Variants in ARHGEF7 observed in about 807,000 individuals in gnomAD.
ARHGEF7 encodes the protein PAK-interacting exchange factor beta.
A neutral mutation model predicts 109.8 loss-of-function variants in ARHGEF7; 33 were observed. The ratio of observed to expected loss-of-function variants is 0.30; its 90% CI spans 0.23 to 0.40. The LOEUF (loss-of-function observed/expected upper bound fraction) is 0.40. Among genes scored for constraint, ARHGEF7 ranks in the 10% least tolerant of loss-of-function variants. ARHGEF7 has a pLI of 1.00. For missense variants in ARHGEF7, 938 were observed against 1,098.5 expected, an observed-to-expected ratio of 0.85 and a Z score of 2.07; for synonymous variants, 458 against 424.6, an observed-to-expected ratio of 1.08 and a Z score of -0.97.
chr13:111,148,811 G>T (rs572768598), intron 1 of ARHGEF7, among the ~76,000 whole-genome samples: 2 of 152,310 alleles, frequency 1.3e-5, no homozygotes, highest in South Asian at 4.1e-4. Flanking sequence ...AGCTTTCACA[G>T]AAATCAAAGG....
chr13:111,290,821 C>G (rs1331592555), intron 18 of ARHGEF7, among the ~76,000 whole-genome samples: 1 of 152,186 alleles, frequency 6.6e-6, no homozygotes, highest in African/African-American at 2.4e-5. Context: ...ACCTAACACT[C>G]AAAACTAGGG....
chr13:111,153,809 C>T (rs1048728997), intron 1 of ARHGEF7, 96 bp from the exon 2 acceptor site: 23 of 1,453,236 alleles, frequency 1.6e-5, no homozygotes, highest in Non-Finnish European at 2.0e-5. Flanking sequence ...GCGTCGCCCG[C>T]TGTGTTGGGA....
At chr13:111,114,628 GCAGCCAGGCGCC>G (rs1375830244), upstream of ARHGEF7, 7 of 152,548 alleles carry the variant, frequency 4.6e-5, no homozygotes, top group Admixed American at 1.3e-4. Context: ...TCCCCGAGAC[GCAGCCAGGCGCC>G]CGGCCCGGCC....
chr13:111,137,747 C>A (rs547624014), intron 1 of ARHGEF7, among the ~76,000 whole-genome samples: 4 of 152,018 alleles, frequency 2.6e-5, no homozygotes, highest in African/African-American at 9.7e-5. Flanking sequence ...ATTAAGAGGC[C>A]AAGCTCAGGA....
chr13:111,282,741 G>C (rs545479731), intron 15 of ARHGEF7: 39 of 230,076 alleles, frequency 1.7e-4, no homozygotes, highest in Admixed American at 1.4e-3. Context: ...GTGGCTGGGG[G>C]GGAATCACCT....
intron 19 of ARHGEF7, among the ~76,000 whole-genome samples, chr13:111,296,315 C>T (rs755435254): frequency 6.6e-6 from 1 of 152,200 alleles, no homozygotes; most frequent in Non-Finnish European, 1.5e-5. Context: ...TGTTAACACA[C>T]ATGTGTACCA....
At chr13:111,199,680 G>A (rs1299855431) in intron 2 of ARHGEF7, among the ~76,000 whole-genome samples, 1 of 152,246 alleles carries the variant, frequency 6.6e-6, no homozygotes, top group Non-Finnish European at 1.5e-5. Flanking sequence ...TGCTAAAATA[G>A]AATTCCTTTG....
intron 1 of ARHGEF7, 180 bp from the exon 2 acceptor site, chr13:111,153,725 A>G: frequency 7.5e-7 from 1 of 1,331,846 alleles, no homozygotes; most frequent in Non-Finnish European, 9.5e-7. Flanking sequence ...AAAAAGGGTG[A>G]GGAGAAGCAG....
At chr13:111,300,551 G>A (rs898116761) in intron 19 of ARHGEF7, among the ~76,000 whole-genome samples, 197 bp from the exon 20 acceptor site, 2 of 152,214 alleles carry the variant, frequency 1.3e-5, no homozygotes, top group African/African-American at 4.8e-5. Flanking sequence ...CTTTGGTCAT[G>A]AGGAGGCCTG....
intron 8 of ARHGEF7, among the ~76,000 whole-genome samples, chr13:111,265,324 T>C (rs1804126543): frequency 2.0e-5 from 3 of 152,190 alleles, no homozygotes; most frequent in Admixed American, 2.0e-4. Flanking sequence ...GAACAGTCTT[T>C]TTGAGCCTCG....
In ARHGEF7 at chr13:111,115,631, G is replaced by A. The variant is rs1237174774; in HGVS notation, c.105G>A (p.Leu35=). The change falls in exon 1 of 22, where the codon CTG becomes CTA. Residue 35 remains leucine, a synonymous_variant. Coordinates refer to ENST00000646102, the MANE Select transcript of ARHGEF7 (RefSeq NM_001354046.2). ...SDPEGFLQAS[L]KDGVVLCRLL... ...CGGAGGGCTTTCTGCAGGCGTCGCTGAAGGATGGGGTGGTCCTCTGCAGGC... is the reference window on the plus strand; with the variant it reads ...CGGAGGGCTTTCTGCAGGCGTCGCTAAAGGATGGGGTGGTCCTCTGCAGGC... 3.6e-6 allele frequency: 5 copies of A among 1,399,082 alleles called. No homozygotes were observed. The highest frequency in any genetic ancestry group is 4.7e-6 in the Non-Finnish European group (5 of 1,061,274). 86.7% of individuals were successfully genotyped at this position (1,399,082 alleles called of 1,614,324 possible).
chr13:111,153,771 G>T, intron 1 of ARHGEF7, 134 bp from the exon 2 acceptor site: 3 of 1,362,314 alleles, frequency 2.2e-6, no homozygotes, highest in Middle Eastern at 2.7e-4. Context: ...CAGCGGGCTC[G>T]CTCCAGGCCG....
rs930562673 is a variant in ARHGEF7 at position 111,239,089 on chromosome 13, AT to A, written c.760-4782del. ...CCATCAGATCTTGTGAGAACTCACCATGAGAACAGCATAGGGGAACGCGCTG... is the reference window on the plus strand; with the variant it reads ...CCATCAGATCTTGTGAGAACTCACCAGAGAACAGCATAGGGGAACGCGCTG... On this transcript the variant is annotated intron_variant, in intron 6 of 21. Coordinates refer to ENST00000646102, the MANE Select transcript of ARHGEF7 (RefSeq NM_001354046.2). The surrounding 1 kb of genome is among the most constrained non-coding windows in gnomAD (Gnocchi z 4.3). Among the ~76,000 whole-genome samples the A allele has an allele frequency of 2.6e-5, 4 of 152,130 alleles. No homozygotes were observed. The highest frequency in any genetic ancestry group is 9.7e-5 in the African/African-American group (4 of 41,412).
chr13:111,127,648 GAAAAAAAAAAAAA>G (rs71206956), intron 1 of ARHGEF7, among the ~76,000 whole-genome samples: 1 of 40,044 alleles, frequency 2.5e-5, no homozygotes, highest in Non-Finnish European at 5.0e-5. Flanking sequence ...CTCTGTTTCA[GAAAAAAAAAAAAA>G]AAAAAAAAAA....
intron 5 of ARHGEF7, among the ~76,000 whole-genome samples, chr13:111,221,599 A>T (rs1454608523): frequency 1.0e-4 from 9 of 89,984 alleles, no homozygotes; most frequent in African/African-American, 3.7e-4. Flanking sequence ...CTATATATAG[A>T]TATATATCTC....
intron 2 of ARHGEF7, among the ~76,000 whole-genome samples, chr13:111,156,321 G>C (rs925887536): frequency 6.6e-6 from 1 of 152,156 alleles, no homozygotes; most frequent in Non-Finnish European, 1.5e-5. Flanking sequence ...GTAAGTGATA[G>C]CAAGTGAGTT....
chr13:111,254,702 G>A (rs1469889871), intron 8 of ARHGEF7, among the ~76,000 whole-genome samples: 14 of 752 alleles, frequency 0.019, no homozygotes, highest in African/African-American at 0.12. Flanking sequence ...AAGAGGATTC[G>A]GGCTAAGGCG....
At chr13:111,250,712 C>T (rs1027422200) in intron 8 of ARHGEF7, among the ~76,000 whole-genome samples, 4 of 152,040 alleles carry the variant, frequency 2.6e-5, no homozygotes, top group African/African-American at 9.7e-5. Context: ...TCCTACCTGA[C>T]TGAGTACAGA....
intron 9 of ARHGEF7, among the ~76,000 whole-genome samples, chr13:111,269,073 G>C (rs1013372232): frequency 6.6e-6 from 1 of 152,194 alleles, no homozygotes; most frequent in Non-Finnish European, 1.5e-5. Context: ...CCCTCCCTCT[G>C]CACGTCCCGC....
Sources: allele counts gnomAD v4.1 joint callset (sites outside exome capture counted in the v4.1 genomes callset), GRCh38; gene constraint gnomAD v4.1.1; non-coding constraint Gnocchi (gnomAD v3.1); transcripts MANE v1.5; gene names NCBI Gene and HGNC (gene_info 2026-07-23, HGNC 2026-07-21).